ASTN2: variants seen among roughly 807,000 people sequenced by gnomAD.
The protein encoded by ASTN2 is astrotactin 2.
Under a neutral mutation model 139.8 loss-of-function variants are expected in ASTN2, and 54 were observed. The observed-to-expected ratio is 0.39, with a 90% confidence interval of 0.31 to 0.48. The LOEUF (loss-of-function observed/expected upper bound fraction) is 0.48, where lower values mean the gene tolerates loss of function less well. Among genes scored for constraint, ASTN2 ranks in the 20% least tolerant of loss-of-function variants. The pLI is 0.95. For missense variants in ASTN2, 1,565 were observed against 1,725.1 expected (o/e 0.91, Z 1.64); for synonymous variants, 756 against 719.5 (o/e 1.05, Z -0.81).
intron 2 of ASTN2, among the ~76,000 whole-genome samples, chr9:117,251,238 C>T (rs1833529455): frequency 6.6e-6 from 1 of 152,028 alleles, no homozygotes; most frequent in African/African-American, 2.4e-5. Context: ...TCAGATACCT[C>T]TGTGGCTTGT....
intron 17 of ASTN2, among the ~76,000 whole-genome samples, chr9:116,646,205 A>G (rs888662068): frequency 6.6e-6 from 1 of 152,214 alleles, no homozygotes; most frequent in Non-Finnish European, 1.5e-5. Flanking sequence ...GTCTTGTAGG[A>G]AACTCAGAAA....
intron 1 of ASTN2, among the ~76,000 whole-genome samples, chr9:117,318,934 C>T (rs1392841637): frequency 6.6e-6 from 1 of 152,118 alleles, no homozygotes; most frequent in Non-Finnish European, 1.5e-5. Context: ...GCTGGGGAAG[C>T]GGGGGCGAGT....
At chr9:116,506,535 T>C (rs1850116518) in intron 19 of ASTN2, among the ~76,000 whole-genome samples, 1 of 151,974 alleles carries the variant, frequency 6.6e-6, no homozygotes, top group Admixed American at 6.6e-5. Context: ...ACATAGGCCT[T>C]GCTAGAGTCC....
intron 5 of ASTN2, among the ~76,000 whole-genome samples, chr9:117,051,737 G>T (rs1428736881): frequency 6.6e-6 from 1 of 152,124 alleles, no homozygotes; most frequent in Non-Finnish European, 1.5e-5. Context: ...AACCCCTTTT[G>T]ATTAGTTGGC....
intron 1 of ASTN2, among the ~76,000 whole-genome samples, chr9:117,339,025 C>T (rs1828981597): frequency 6.6e-6 from 1 of 152,014 alleles, no homozygotes; most frequent in Admixed American, 6.6e-5. Flanking sequence ...GATGGGGGAG[C>T]TGTAGACCTG....
chr9:117,385,265 T>C (rs1830367590), intron 1 of ASTN2, among the ~76,000 whole-genome samples: 1 of 152,160 alleles, frequency 6.6e-6, no homozygotes, highest in Non-Finnish European at 1.5e-5. Context: ...GGTAGGATTA[T>C]AGGCATAAAC....
intron 10 of ASTN2, among the ~76,000 whole-genome samples, chr9:116,915,006 C>T (rs1012824121): frequency 2.0e-5 from 3 of 152,204 alleles, no homozygotes; most frequent in Admixed American, 1.3e-4. Flanking sequence ...CAAATTCACA[C>T]AGGAGGAGCC....
At chr9:116,860,939 T>C (rs1412550566) in intron 11 of ASTN2, among the ~76,000 whole-genome samples, 2 of 152,030 alleles carry the variant, frequency 1.3e-5, no homozygotes, top group African/African-American at 4.8e-5. Context: ...TGATGGAGAG[T>C]CTACAGAGAA....
chr9:116,768,948 G>T (rs1351017314), intron 13 of ASTN2, among the ~76,000 whole-genome samples: 2 of 152,104 alleles, frequency 1.3e-5, no homozygotes, highest in Non-Finnish European at 2.9e-5. Flanking sequence ...GGTAAGTTTG[G>T]GACTCAACTG....
intron 19 of ASTN2, among the ~76,000 whole-genome samples, chr9:116,617,318 T>A (rs897217270): frequency 3.3e-5 from 5 of 152,174 alleles, no homozygotes; most frequent in Non-Finnish European, 4.4e-5. Context: ...AAGGGAACAA[T>A]AAAGGTCCTT....
intron 19 of ASTN2, among the ~76,000 whole-genome samples, chr9:116,521,722 CAG>C (rs958787255): frequency 6.6e-6 from 1 of 152,122 alleles, no homozygotes; most frequent in South Asian, 2.1e-4. Flanking sequence ...TGAAAACCCA[CAG>C]AGTGGGAGAA....
chr9:117,088,817 G>A (rs781630864), intron 5 of ASTN2, among the ~76,000 whole-genome samples: 17 of 152,190 alleles, frequency 1.1e-4, no homozygotes, highest in Non-Finnish European at 1.6e-4. Flanking sequence ...GGTCCAGAGA[G>A]GGAGACAGAT....
intron 2 of ASTN2, among the ~76,000 whole-genome samples, chr9:117,237,915 C>G (rs1833092440): frequency 6.6e-6 from 1 of 152,196 alleles, no homozygotes. Context: ...CTTCCTCCCT[C>G]CTACTCATAG....
chr9:116,609,573 T>A (rs184261746), intron 19 of ASTN2, among the ~76,000 whole-genome samples: 1 of 151,340 alleles, frequency 6.6e-6, no homozygotes, highest in East Asian at 1.9e-4. Context: ...CATCACTAAC[T>A]GACAAAATAT....
At chr9:117,099,121 A>AAC (rs1232897273) in intron 4 of ASTN2, among the ~76,000 whole-genome samples, 1 of 151,878 alleles carries the variant, frequency 6.6e-6, no homozygotes, top group Non-Finnish European at 1.5e-5. Context: ...AAAAAAAAAA[A>AAC]AAGGAGGGAG....
chr9:117,045,617 T>C (rs1448458157), intron 5 of ASTN2, among the ~76,000 whole-genome samples: 1 of 152,180 alleles, frequency 6.6e-6, no homozygotes, highest in Admixed American at 6.5e-5. Flanking sequence ...TAATTTGGGG[T>C]TTGATTGATT....
chr9:117,176,306 T>C (rs938912731), intron 3 of ASTN2, among the ~76,000 whole-genome samples: 3 of 152,250 alleles, frequency 2.0e-5, no homozygotes, highest in Non-Finnish European at 2.9e-5. Context: ...GATAAGATTA[T>C]GATACCATAT....
intron 19 of ASTN2, among the ~76,000 whole-genome samples, chr9:116,522,564 T>C (rs912089662): frequency 2.0e-5 from 3 of 152,120 alleles, no homozygotes; most frequent in Non-Finnish European, 2.9e-5. Context: ...GGGTACAGTG[T>C]ACACTGCTCA....
intron 10 of ASTN2, among the ~76,000 whole-genome samples, chr9:116,952,777 G>A (rs1386357604): frequency 2.0e-5 from 3 of 152,182 alleles, no homozygotes; most frequent in Non-Finnish European, 4.4e-5. Flanking sequence ...CCGAGCAATC[G>A]CCGTTGGAGC....
Sources: gnomAD v4.1 joint callset for allele counts (sites outside exome capture counted in the v4.1 genomes callset) on GRCh38, gnomAD v4.1.1 for gene constraint, MANE v1.5 for transcripts, NCBI Gene and HGNC (gene_info 2026-07-23, HGNC 2026-07-21) for gene names.